The following PAN3 variants were observed in gnomAD, a reference collection of about 807,000 sequenced individuals.
PAN3 encodes the protein poly(A) specific ribonuclease subunit PAN3, also known as PAN2-PAN3 deadenylation complex subunit PAN3.
Under a neutral mutation model 96.2 loss-of-function variants are expected in PAN3, and 19 were observed. The observed-to-expected ratio is 0.20, with a 90% confidence interval of 0.14 to 0.29. The LOEUF (loss-of-function observed/expected upper bound fraction) is 0.29, where lower values mean the gene tolerates loss of function less well. PAN3 is among the 10% of genes least tolerant of loss of function. The probability of loss-of-function intolerance (pLI) is 1.00; values close to 1 mark genes in which losing one functional copy is unlikely to be tolerated. For synonymous variants in PAN3, 433 were observed against 406.6 expected (o/e 1.06, Z -0.78); for missense variants, 882 against 1,108.1 (o/e 0.80, Z 2.90).
At chr13:28,230,685 T>G (rs1235124514) in intron 6 of PAN3, among the ~76,000 whole-genome samples, 13 of 152,190 alleles carry the variant, frequency 8.5e-5, no homozygotes, top group Admixed American at 8.5e-4. Flanking sequence ...GGTGGTAGCT[T>G]TTTTCATTGG....
At chr13:28,167,300 C>G (rs955561882) in intron 1 of PAN3, among the ~76,000 whole-genome samples, 1 of 151,746 alleles carries the variant, frequency 6.6e-6, no homozygotes, top group Non-Finnish European at 1.5e-5. Flanking sequence ...TCAAGTGATT[C>G]TCCTGCCTCA....
At chr13:28,143,667 G>A (rs1368116263) in intron 1 of PAN3, among the ~76,000 whole-genome samples, 1 of 152,138 alleles carries the variant, frequency 6.6e-6, no homozygotes, top group East Asian at 1.9e-4. Flanking sequence ...TGCACATATT[G>A]AGGTTTCAGT....
chr13:28,270,390 T>C (rs551176672), intron 12 of PAN3, among the ~76,000 whole-genome samples: 94 of 152,372 alleles, frequency 6.2e-4, no homozygotes, highest in African/African-American at 2.2e-3. Flanking sequence ...TCTGTTTTTA[T>C]ATTTATTTGG....
At chr13:28,159,735 A>C (rs1872671179) in intron 1 of PAN3, among the ~76,000 whole-genome samples, 1 of 152,016 alleles carries the variant, frequency 6.6e-6, no homozygotes, top group Non-Finnish European at 1.5e-5. Context: ...GGTGTGAGTC[A>C]CCACACCTGG....
intron 1 of PAN3, among the ~76,000 whole-genome samples, chr13:28,156,271 A>G (rs1013965293): frequency 2.0e-5 from 3 of 152,232 alleles, no homozygotes; most frequent in East Asian, 1.9e-4. Flanking sequence ...CTCAGAGACT[A>G]TTATGAACAC....
At chr13:28,194,466 A>ATATT (rs1429166016) in intron 4 of PAN3, among the ~76,000 whole-genome samples, 109 of 122,118 alleles carry the variant, frequency 8.9e-4, no homozygotes, top group Non-Finnish European at 1.4e-3. Context: ...ATATATATAT[A>ATATT]TTTTTTTTTT....
At chr13:28,275,730 A>G (rs1034013387) in intron 14 of PAN3, among the ~76,000 whole-genome samples, 3 of 152,188 alleles carry the variant, frequency 2.0e-5, no homozygotes, top group Admixed American at 6.5e-5. Context: ...GGCAACAGTA[A>G]TAGTTCTCCT....
intron 5 of PAN3, among the ~76,000 whole-genome samples, chr13:28,198,120 A>G (rs1878281764): frequency 1.3e-5 from 2 of 151,866 alleles, no homozygotes; most frequent in African/African-American, 4.8e-5. Flanking sequence ...AAATATACAG[A>G]AAAGAAAAGA....
At chr13:28,187,751 T>G (rs1566169537) in intron 4 of PAN3, among the ~76,000 whole-genome samples, 1 of 152,216 alleles carries the variant, frequency 6.6e-6, no homozygotes, top group Non-Finnish European at 1.5e-5. Flanking sequence ...TGAGGGGCAG[T>G]GTCTTGCCCT....
chr13:28,242,007 A>T (rs772531817), intron 6 of PAN3, among the ~76,000 whole-genome samples: 14 of 152,168 alleles, frequency 9.2e-5, no homozygotes, highest in Non-Finnish European at 4.4e-5. Context: ...TTGGAACTTC[A>T]TTAAAACTAT....
At chr13:28,247,539 T>C (rs1451165130) in intron 6 of PAN3, among the ~76,000 whole-genome samples, 2 of 152,130 alleles carry the variant, frequency 1.3e-5, no homozygotes, top group Non-Finnish European at 2.9e-5. Context: ...TTTCCCAATG[T>C]TTTTTTCCTA....
At chr13:28,212,288 T>G (rs141656538) in intron 5 of PAN3, among the ~76,000 whole-genome samples, 116 of 152,336 alleles carry the variant, frequency 7.6e-4, no homozygotes, top group African/African-American at 2.6e-3. Flanking sequence ...AGCCTTAGAA[T>G]AAATTCTTCC....
At chr13:28,149,486 C>T (rs1031344716) in intron 1 of PAN3, among the ~76,000 whole-genome samples, 8 of 152,108 alleles carry the variant, frequency 5.3e-5, no homozygotes, top group African/African-American at 1.2e-4. Flanking sequence ...TTACATAAAT[C>T]GCGTCTTTGG....
intron 5 of PAN3, among the ~76,000 whole-genome samples, chr13:28,210,324 T>C (rs144025466): frequency 6.6e-6 from 1 of 152,336 alleles, no homozygotes; most frequent in Non-Finnish European, 1.5e-5. Flanking sequence ...CTAATTGATC[T>C]TCATTTGCCG....
At chr13:28,197,372 T>G in intron 5 of PAN3, 26 bp downstream of exon 5, 1 of 1,540,054 alleles carries the variant, frequency 6.5e-7, no homozygotes, top group Non-Finnish European at 8.8e-7. Context: ...ATTAGACATT[T>G]CTTGAAAGTG....
chr13:28,200,561 T>C (rs954099784), intron 5 of PAN3, among the ~76,000 whole-genome samples: 2 of 152,202 alleles, frequency 1.3e-5, no homozygotes, highest in Non-Finnish European at 2.9e-5. Flanking sequence ...TTCCCTACCC[T>C]TTATTACTTA....
chr13:28,192,449 G>C (rs944140165), intron 4 of PAN3, among the ~76,000 whole-genome samples: 1 of 152,086 alleles, frequency 6.6e-6, no homozygotes, highest in Non-Finnish European at 1.5e-5. Context: ...GCATACTTGT[G>C]GTTTCCTCTA....
At chr13:28,147,288 T>C (rs1191042939) in intron 1 of PAN3, among the ~76,000 whole-genome samples, 1 of 152,214 alleles carries the variant, frequency 6.6e-6, no homozygotes, top group African/African-American at 2.4e-5. Context: ...TGTAGCCCCA[T>C]CCATAAGTCT....
intron 1 of PAN3, among the ~76,000 whole-genome samples, chr13:28,158,654 G>A (rs1872520611): frequency 6.6e-6 from 1 of 152,128 alleles, no homozygotes; most frequent in Non-Finnish European, 1.5e-5. Flanking sequence ...GGAGGCAGGT[G>A]GATCACGAGG....
Sources: gnomAD v4.1 joint callset for allele counts (sites outside exome capture counted in the v4.1 genomes callset) on GRCh38, gnomAD v4.1.1 for gene constraint, MANE v1.5 for transcripts, NCBI Gene and HGNC (gene_info 2026-07-23, HGNC 2026-07-21) for gene names.